ATXN7L1: variants seen among roughly 807,000 people sequenced by gnomAD.
The protein encoded by ATXN7L1 is ataxin-7-like protein 1.
ATXN7L1 carries 15 observed loss-of-function variants against 70.8 expected under a neutral mutation model. The observed-to-expected ratio is 0.21, with a 90% CI of 0.14 to 0.33. The LOEUF (loss-of-function observed/expected upper bound fraction) is 0.33, where lower values mean the gene tolerates loss of function less well. Among genes scored for constraint, ATXN7L1 ranks in the 10% least tolerant of loss-of-function variants. The probability of loss-of-function intolerance (pLI) is 1.00; values close to 1 mark genes in which losing one functional copy is unlikely to be tolerated. For synonymous variants in ATXN7L1, 440 were observed against 445.1 expected, an observed-to-expected ratio of 0.99 and a Z score of 0.14; for missense variants, 975 against 1,097.1, an observed-to-expected ratio of 0.89 and a Z score of 1.57.
intron 3 of ATXN7L1, among the ~76,000 whole-genome samples, chr7:105,727,767 T>TATATATATATATATATATA (rs34755557): frequency 6.6e-4 from 66 of 100,238 alleles, no homozygotes; most frequent in South Asian, 1.6e-3. Flanking sequence ...TATATATATA[T>TATATATATATATATATATA]ATATATATAT....
chr7:105,696,817 G>A (rs1330238019), intron 3 of ATXN7L1, among the ~76,000 whole-genome samples: 2 of 152,196 alleles, frequency 1.3e-5, no homozygotes, highest in Non-Finnish European at 2.9e-5. Context: ...GACCTGCCCC[G>A]AAAATCACGT....
At chr7:105,784,511 A>T (rs1406447597) in intron 3 of ATXN7L1, among the ~76,000 whole-genome samples, 3 of 152,082 alleles carry the variant, frequency 2.0e-5, no homozygotes, top group Non-Finnish European at 2.9e-5. Flanking sequence ...GAACACTGCC[A>T]TGCACCCATG....
rs557695299 is a variant in ATXN7L1, at chr7:105,693,768, C to T, written c.356-28480G>A. On this transcript the variant is annotated intron_variant, in intron 3 of 11. Transcript: ENST00000419735. ...CAGCGCCATGGTGGTGAACAGGAAC[C>T]CACATAGTGGCTTTCTCTTTCCCCT... Among the ~76,000 whole-genome samples the T allele has an allele frequency of 7.3e-4, 111 of 152,188 alleles. No homozygotes were observed. The Middle Eastern group carries it at 0.01, about 14-fold the overall frequency.
chr7:105,711,939 C>T (rs1338537193), intron 3 of ATXN7L1, among the ~76,000 whole-genome samples: 1 of 152,272 alleles, frequency 6.6e-6, no homozygotes, highest in Non-Finnish European at 1.5e-5. Flanking sequence ...GCCTAGACAT[C>T]CAGGCATTTT....
chr7:105,832,945 A>G (rs1408357964), intron 2 of ATXN7L1, among the ~76,000 whole-genome samples: 1 of 152,088 alleles, frequency 6.6e-6, no homozygotes, highest in Non-Finnish European at 1.5e-5. Flanking sequence ...TCCCTTTCTG[A>G]CTTCCGTGCT....
chr7:105,714,522 CAGTTTTGAGTCAGA>C (rs1794297030), intron 3 of ATXN7L1, among the ~76,000 whole-genome samples: 1 of 152,084 alleles, frequency 6.6e-6, no homozygotes, highest in Admixed American at 6.5e-5. Context: ...ATACATATTA[CAGTTTTGAGTCAGA>C]AGTTTTGAGA....
At chr7:105,770,094 T>C (rs1400509263) in intron 3 of ATXN7L1, among the ~76,000 whole-genome samples, 1 of 152,242 alleles carries the variant, frequency 6.6e-6, no homozygotes, top group African/African-American at 2.4e-5. Context: ...CTGGTGCATG[T>C]AGCAGGGAGA....
intron 3 of ATXN7L1, among the ~76,000 whole-genome samples, chr7:105,670,878 G>A (rs1213022857): frequency 6.6e-6 from 1 of 151,966 alleles, no homozygotes; most frequent in Non-Finnish European, 1.5e-5. Context: ...AGGCCGAGGC[G>A]GATGGATCAC....
At chr7:105,769,637 A>T (rs1801722453) in intron 3 of ATXN7L1, among the ~76,000 whole-genome samples, 1 of 152,170 alleles carries the variant, frequency 6.6e-6, no homozygotes, top group African/African-American at 2.4e-5. Context: ...CAAGATGGTC[A>T]TTCTACCTGG....
intron 3 of ATXN7L1, among the ~76,000 whole-genome samples, chr7:105,782,626 G>C (rs1222895159): frequency 6.6e-6 from 1 of 152,220 alleles, no homozygotes; most frequent in Non-Finnish European, 1.5e-5. Context: ...GGGGCTCCAT[G>C]TCACCCCTGT....
intron 4 of ATXN7L1, among the ~76,000 whole-genome samples, chr7:105,648,001 C>T (rs764632871): frequency 3.3e-5 from 5 of 152,200 alleles, no homozygotes; most frequent in Non-Finnish European, 7.3e-5. Context: ...ACAGGAAAGA[C>T]AGCCTCACGT....
rs1018407759 is a variant in ATXN7L1 at position 105,862,006 on chromosome 7, G to A, written c.250+13806C>T. Reference sequence around the variant, plus strand: ...CCTAATTCTCTCTGGGTCCTGCCCCGCTTCTGCAAAAGATGATGAGGAAGG... The same window carrying A: ...CCTAATTCTCTCTGGGTCCTGCCCCACTTCTGCAAAAGATGATGAGGAAGG... On this transcript the variant is annotated intron_variant, in intron 2 of 11. Coordinates refer to ENST00000419735, the MANE Select transcript of ATXN7L1 (RefSeq NM_020725.2). Among the ~76,000 whole-genome samples the A allele has an allele frequency of 3.9e-5, 6 of 152,238 alleles. No homozygotes were observed. The East Asian group carries it at 7.7e-4, about 20-fold the overall frequency.
At chr7:105,768,971 G>T (rs950939977) in intron 3 of ATXN7L1, among the ~76,000 whole-genome samples, 1 of 152,152 alleles carries the variant, frequency 6.6e-6, no homozygotes, top group Non-Finnish European at 1.5e-5. Flanking sequence ...TCCCCCCCTG[G>T]GGTCTCTATC....
At chr7:105,836,583 A>G (rs539112603) in intron 2 of ATXN7L1, among the ~76,000 whole-genome samples, 1 of 152,276 alleles carries the variant, frequency 6.6e-6, no homozygotes, top group Non-Finnish European at 1.5e-5. Context: ...TCCCCAGAAG[A>G]AAGTGTTAGA....
rs117411692 is a variant in ATXN7L1 at position 105,873,518 on chromosome 7, A to G, written c.250+2294T>C. On this transcript the variant is annotated intron_variant, in intron 2 of 11. Transcript: ENST00000419735. ...CAGCTCAACCCTTCAATTTCTCACCATGGGGGAATACGTATTCAGTATATA... is the reference window on the plus strand; with the variant it reads ...CAGCTCAACCCTTCAATTTCTCACCGTGGGGGAATACGTATTCAGTATATA... 3.4e-4 allele frequency among the ~76,000 whole-genome samples: 52 copies of G among 152,280 alleles called. No individual in the cohort carries two copies. The East Asian group carries it at 7.9e-3, about 23-fold the overall frequency.
intron 3 of ATXN7L1, among the ~76,000 whole-genome samples, chr7:105,707,127 G>A (rs1793281784): frequency 6.6e-6 from 1 of 152,164 alleles, no homozygotes; most frequent in African/African-American, 2.4e-5. Flanking sequence ...AGTGGTAAGA[G>A]CCATCAGGAA....
chr7:105,735,939 T>C (rs1021850213), intron 3 of ATXN7L1, among the ~76,000 whole-genome samples: 3 of 152,224 alleles, frequency 2.0e-5, no homozygotes, highest in Admixed American at 1.3e-4. Context: ...TGGTAAGAAT[T>C]GTTCAAGTTG....
At chr7:105,734,828 G>C (rs907448373) in intron 3 of ATXN7L1, among the ~76,000 whole-genome samples, 1 of 148,506 alleles carries the variant, frequency 6.7e-6, no homozygotes, top group Admixed American at 6.6e-5. Flanking sequence ...GAGAGTGAGA[G>C]AGAATACAAA....
intron 3 of ATXN7L1, among the ~76,000 whole-genome samples, chr7:105,716,107 G>T (rs780942412): frequency 6.6e-5 from 10 of 152,110 alleles, no homozygotes; most frequent in Non-Finnish European, 1.2e-4. Context: ...GGCCACATCT[G>T]TCCTAAGCCA....
Sources: allele counts gnomAD v4.1 joint callset (sites outside exome capture counted in the v4.1 genomes callset), GRCh38; gene constraint gnomAD v4.1.1; transcripts MANE v1.5; gene names NCBI Gene and HGNC (gene_info 2026-07-23, HGNC 2026-07-21).